Variants in QRICH2 observed in about 807,000 individuals in gnomAD.
QRICH2 encodes the protein glutamine-rich protein 2.
Under a neutral mutation model 168.3 loss-of-function variants are expected in QRICH2, and 119 were observed. The observed-to-expected ratio is 0.71, with a 90% confidence interval of 0.61 to 0.82. The LOEUF (loss-of-function observed/expected upper bound fraction) is 0.82, where lower values mean the gene tolerates loss of function less well. Ranked by LOEUF, QRICH2 falls within the 40% of genes least tolerant of loss-of-function variation. The pLI is 0.00. For synonymous variants in QRICH2, 894 were observed against 951.2 expected (o/e 0.94, Z 1.11); for missense variants, 2,241 against 2,491.6 (o/e 0.90, Z 2.14).
At chr17:76,274,914 G>T (rs138194677) in intron 18 of QRICH2, among the ~76,000 whole-genome samples, 1 of 152,172 alleles carries the variant, frequency 6.6e-6, no homozygotes, top group African/African-American at 2.4e-5. Context: ...AAAGTGGTTC[G>T]TCCATGTAAA....
chr17:76,291,207 C>T lies in QRICH2; in HGVS notation c.3520G>A (p.Glu1174Lys), dbSNP rs1352866218. 1 of 1,614,092 alleles carries T rather than the reference C, an allele frequency of 6.2e-7. No homozygotes were observed. Among genetic ancestry groups the T allele is most frequent in the Admixed American group, 1.7e-5 (1 of 60,002 alleles). ...VLSEGSEVSSEVLSERRNSLR... is the reference protein window; with the variant it reads ...VLSEGSEVSSKVLSERRNSLR... The stretch of plus-strand genomic sequence containing the variant: ...GAATTGCGTCGCTCACTCAGGACTT[C>T]ACTCGAGACTTCGCTCCCTTCTGAT... The change falls in exon 4 of 19, where the codon GAA (glutamate) becomes AAA (lysine). Residue 1174 changes from glutamate to lysine, a missense_variant. Coordinates refer to ENST00000680821, the MANE Select transcript of QRICH2 (RefSeq NM_001388453.1).
Position 76,292,981 on chromosome 17 carries a change from C to T in QRICH2, c.1746G>A (p.Gln582=). The T allele has an allele frequency of 1.2e-6, 2 of 1,614,220 alleles. No homozygotes were observed. The highest frequency in any genetic ancestry group is 1.7e-6 in the Non-Finnish European group (2 of 1,180,040). The part of the protein sequence containing the change: ...QSGRFQRALV[Q]RGAYQPGLVQ... The stretch of plus-strand genomic sequence containing the variant: ...CCAAGCCAGGCTGATATGCACCACG[C>T]TGCACCAAAGCACGCTGAAATCTGC... Residue 582 remains glutamine (Q), a synonymous_variant, in exon 4 of 19, where the codon CAG becomes CAA. Transcript: ENST00000680821.
chr17:76,275,782 G>A (rs373368078), intron 18 of QRICH2, 37 bp downstream of exon 18: 273 of 1,596,786 alleles, frequency 1.7e-4, no homozygotes, highest in Non-Finnish European at 1.4e-4. Context: ...GGCCAGCGGG[G>A]AGGCCTGGCA....
chr17:76,310,955 A>C (rs2071064956), upstream of QRICH2: 1 of 152,200 alleles, frequency 6.6e-6, no homozygotes, highest in Non-Finnish European at 1.5e-5. Flanking sequence ...TTTTATTTGC[A>C]ACTTCAGAGC....
At position 76,293,898 on chromosome 17, in the gene QRICH2, T is replaced by A. The variant is rs2143322447; in HGVS notation, c.829A>T (p.Ser277Cys). ...PSIEQALDSA[S>C]GLGPDRTASG... ...GCAGTCCGATCCGGGCCAAGACCAC[T>A]GGCAGAATCCAGAGCCTGCTCAATA... The change falls in exon 4 of 19, where the codon AGT (serine) becomes TGT (cysteine). Residue 277 changes from serine (S) to cysteine (C), a missense_variant. By Grantham distance (112) the Ser-to-Cys change is moderately radical. Transcript: ENST00000680821. 6.2e-7 allele frequency: 1 copy of A among 1,614,140 alleles called. No individual in the cohort carries two copies.
chr17:76,280,618 T>A lies in QRICH2; in HGVS notation c.4461+36A>T, dbSNP rs115961087. The A allele has an allele frequency of 2.9e-4, 469 of 1,612,102 alleles. 1 individual carries two copies. The African/African-American group carries it at 4.8e-3, about 16-fold the overall frequency. Reference sequence around the variant, plus strand: ...CAAAGAACAGTCAGCGAGACCGCCCTGGGACACAGCGTGGCTCCTGGGGCC... The same window carrying A: ...CAAAGAACAGTCAGCGAGACCGCCCAGGGACACAGCGTGGCTCCTGGGGCC... On this transcript the variant is annotated intron_variant, in intron 10 of 18. Coordinates refer to ENST00000680821, the MANE Select transcript of QRICH2 (RefSeq NM_001388453.1). The surrounding 1 kb of genome is among the most constrained non-coding windows in gnomAD (Gnocchi z 7.4).
intron 1 of QRICH2, among the ~76,000 whole-genome samples, chr17:76,305,936 G>A (rs553261676): frequency 1.3e-5 from 2 of 152,172 alleles, no homozygotes; most frequent in African/African-American, 4.8e-5. Flanking sequence ...TTGGGAAGCC[G>A]AGGCAGGAGG....
rs1598491475 is a variant in QRICH2 at position 76,291,702 on chromosome 17, G to A, written c.3025C>T (p.His1009Tyr). Residue 1009 changes from histidine (H) to tyrosine (Y), a missense_variant, in exon 4 of 19, where the codon CAT becomes TAT. His to Tyr is a moderately conservative substitution (Grantham distance 83). Around this residue, in one of 3 missense-constraint regions of QRICH2, gnomAD observed 2,047 missense variants for 2,303.8 expected, o/e 0.89. Coordinates refer to ENST00000680821, the MANE Select transcript of QRICH2 (RefSeq NM_001388453.1). ...TCTCTGCCAGGAGGTACCATACCAT[G>A]TTGATATGGACGTACTGATATAAAA... ...TGFISVRPYQ[H>Y]GMVPPGREQY... is the part of the protein sequence containing the mutation. The A allele has an allele frequency of 6.2e-7, 1 of 1,614,062 alleles. No individual in the cohort carries two copies. Among genetic ancestry groups the A allele is most frequent in the Non-Finnish European group, 8.5e-7 (1 of 1,180,010 alleles).
In QRICH2 at chr17:76,279,908, T is replaced by C. The variant is rs2070754744; in HGVS notation, c.4748+125A>G. 4 of 1,168,032 alleles carry C rather than the reference T, an allele frequency of 3.4e-6. No homozygotes were observed. In the South Asian group the frequency reaches 6.5e-5, roughly 19 times the overall value. The allele number at this position is 1,168,032 out of a possible 1,614,324, so 72.4% of individuals were successfully genotyped here. A position where few individuals can be genotyped will look rare whatever the true frequency, so the allele number is the denominator to read the frequency against. Reference sequence around the variant, plus strand: ...CTCTAAAATTCTGTCCCTCCAACCATGGGACAGTCCTGGGCAGGATCCGCT... The same window carrying C: ...CTCTAAAATTCTGTCCCTCCAACCACGGGACAGTCCTGGGCAGGATCCGCT... On this transcript the variant is annotated intron_variant, in intron 12 of 18. Transcript: ENST00000680821.
intron 3 of QRICH2, among the ~76,000 whole-genome samples, chr17:76,299,350 G>A (rs1197774691): frequency 6.6e-6 from 1 of 152,048 alleles, no homozygotes; most frequent in Non-Finnish European, 1.5e-5. Flanking sequence ...CTTGGGGAGC[G>A]CCAAATATCT....
In QRICH2 at chr17:76,290,034, G is replaced by A. The variant is rs760466997; in HGVS notation, c.3756C>T (p.Thr1252=). The A allele has an allele frequency of 2.3e-5, 37 of 1,611,982 alleles. No homozygotes were observed. The highest frequency in any genetic ancestry group is 4.5e-5 in the East Asian group (2 of 44,780). ...AAACTTCTTTGGCTAGCGTCTTTAC[G>A]GTCTTCAGCTGCTCCTGCAGTTCAG... ...IPPELQEQLK[T]VKTLAKEVWQ... The change falls in exon 5 of 19, where the codon ACC becomes ACT. Residue 1252 remains threonine (T), a synonymous_variant. Transcript: ENST00000680821.
At chr17:76,294,894 C>G (rs2070771418) in intron 3 of QRICH2, among the ~76,000 whole-genome samples, 1 of 151,082 alleles carries the variant, frequency 6.6e-6, no homozygotes, top group Admixed American at 6.6e-5. Context: ...TGGACTTTTG[C>G]TTAGCCTTTA....
chr17:76,307,780 C>CAGGT lies in QRICH2; in HGVS notation c.215_218dup (p.Pro76ArgfsTer67), dbSNP rs2071014370. ...CCTTGGGCACCTCCTTGGGCGCGGGCAGGTGCGGGATGCTGAACGAGCTCC... is the reference window on the plus strand; with the variant it reads ...CCTTGGGCACCTCCTTGGGCGCGGGCAGGTAGGTGCGGGATGCTGAACGAGCTCC... On this transcript the variant is annotated frameshift_variant, in exon 1 of 19. Transcript: ENST00000680821. LOFTEE classifies it high-confidence loss of function. This position sits in a 1 kb window ranked among gnomAD's most constrained non-coding sequence, Gnocchi z 5.3. The CAGGT allele has an allele frequency of 1.4e-6, 2 of 1,383,652 alleles. No homozygotes were observed. The highest frequency in any genetic ancestry group is 3.0e-5 in the African/African-American group (2 of 67,028). 85.7% of individuals were successfully genotyped at this position (1,383,652 alleles called of 1,614,324 possible).
chr17:76,279,945 G>C (rs2070755532), intron 12 of QRICH2, 88 bp downstream of exon 12: 4 of 1,450,366 alleles, frequency 2.8e-6, no homozygotes, highest in Non-Finnish European at 3.7e-6. Context: ...TGTGCTGGCA[G>C]GAGCTGTTTG....
rs1462268911 is a variant in QRICH2 at position 76,308,082 on chromosome 17, G to A, written c.-84C>T. 1.1e-5 allele frequency: 13 copies of A among 1,227,052 alleles called. No individual in the cohort carries two copies. The highest frequency in any genetic ancestry group is 3.1e-4 in the Middle Eastern group (1 of 3,212). The allele number at this position is 1,227,052 out of a possible 1,614,324, so 76.0% of individuals were successfully genotyped here. A position where few individuals can be genotyped will look rare whatever the true frequency, so the allele number is the denominator to read the frequency against. On this transcript the variant is annotated 5_prime_UTR_variant, in exon 1 of 19. Coordinates refer to ENST00000680821, the MANE Select transcript of QRICH2 (RefSeq NM_001388453.1). Reference sequence around the variant, plus strand: ...TGCACGCCGCGCCTTGGGGCCTTTCGGGGGCCCTGCGAGGTCCTCGGGGCG... The same window carrying A: ...TGCACGCCGCGCCTTGGGGCCTTTCAGGGGCCCTGCGAGGTCCTCGGGGCG...
Position 76,305,074 on chromosome 17 carries a change from G to A in QRICH2, c.535-133C>T, listed in dbSNP as rs2070970836. 4.2e-6 allele frequency: 3 copies of A among 710,414 alleles called. No homozygotes were observed. The Admixed American group carries it at 5.7e-5, about 14-fold the overall frequency. The allele number at this position is 710,414 out of a possible 1,614,324, so 44.0% of individuals were successfully genotyped here. A position where few individuals can be genotyped will look rare whatever the true frequency, so the allele number is the denominator to read the frequency against. On this transcript the variant is annotated intron_variant, in intron 1 of 18. Coordinates refer to ENST00000680821, the MANE Select transcript of QRICH2 (RefSeq NM_001388453.1). The stretch of plus-strand genomic sequence containing the variant: ...ATGCATACACGCACATTCACACACT[G>A]ACTCAGTGCCAGGAGACGAGGAAAG...
chr17:76,307,132 A>T lies in QRICH2; in HGVS notation c.534+333T>A, dbSNP rs2071001996. On this transcript the variant is annotated intron_variant, in intron 1 of 18. Coordinates refer to ENST00000680821, the MANE Select transcript of QRICH2 (RefSeq NM_001388453.1). This position sits in a 1 kb window ranked among gnomAD's most constrained non-coding sequence, Gnocchi z 5.3. ...TGGATGTCTGATAAGTGGTGGGCGA[A>T]CCTCTCCCGTAAACAGGGGCTAGGA... 6.6e-6 allele frequency among the ~76,000 whole-genome samples: 1 copy of T among 150,700 alleles called. No individual in the cohort carries two copies. Among genetic ancestry groups the T allele is most frequent in the African/African-American group, 2.4e-5 (1 of 40,974 alleles).
Position 76,293,986 on chromosome 17 carries a change from T to A in QRICH2, c.741A>T (p.Gly247=). The A allele has an allele frequency of 1.2e-6, 2 of 1,611,190 alleles. No homozygotes were observed. The highest frequency in any genetic ancestry group is 8.5e-7 in the Non-Finnish European group (1 of 1,178,008). ...CAGGTGATGTTAAGGAAGTGAACCC[T>A]CCGTGCTTAGAAAATCCCATAAGTG... ...SETLMGFSKH[G]GFTSLTSPEG... The change falls in exon 4 of 19, where the codon GGA becomes GGT. Residue 247 remains glycine, a synonymous_variant. Transcript: ENST00000680821.
chr17:76,277,797 GAC>G (rs2070713979), intron 15 of QRICH2, among the ~76,000 whole-genome samples, 190 bp downstream of exon 15: 1 of 151,472 alleles, frequency 6.6e-6, no homozygotes. Context: ...CTCATACATT[GAC>G]ACACCCATAG....
Sources: allele counts gnomAD v4.1 joint callset (sites outside exome capture counted in the v4.1 genomes callset), GRCh38; gene constraint gnomAD v4.1.1; regional missense constraint gnomAD v4.1.1; non-coding constraint Gnocchi (gnomAD v3.1); transcripts MANE v1.5; gene names NCBI Gene and HGNC (gene_info 2026-07-23, HGNC 2026-07-21).